PAPPA2: variants seen among roughly 807,000 people sequenced by gnomAD.
The protein encoded by PAPPA2 is pappalysin-2.
In PAPPA2, 86 loss-of-function variants were observed where a neutral mutation model predicts 176.4. The observed-to-expected ratio is 0.49, with a 90% confidence interval of 0.41 to 0.58. PAPPA2 has a LOEUF of 0.58. PAPPA2 is among the 20% of genes least tolerant of loss of function. The probability of loss-of-function intolerance (pLI) is 0.00; values close to 1 mark genes in which losing one functional copy is unlikely to be tolerated. For missense variants in PAPPA2, 2,073 were observed against 2,256.9 expected (o/e 0.92, Z 1.65); for synonymous variants, 809 against 852.2 (o/e 0.95, Z 0.88).
At chr1:176,760,760 G>A (rs1024256226) in intron 14 of PAPPA2, among the ~76,000 whole-genome samples, 2 of 152,136 alleles carry the variant, frequency 1.3e-5, no homozygotes, top group Non-Finnish European at 2.9e-5. Context: ...ATAGCCAAGG[G>A]TTAACATACA....
At chr1:176,495,126 G>T (rs1647525244) in intron 1 of PAPPA2, among the ~76,000 whole-genome samples, 1 of 152,200 alleles carries the variant, frequency 6.6e-6, no homozygotes, top group South Asian at 2.1e-4. Context: ...TGTAAGGCAA[G>T]AGATGATGAT....
intron 1 of PAPPA2, among the ~76,000 whole-genome samples, chr1:176,504,379 A>G (rs781304660): frequency 6.6e-6 from 1 of 152,146 alleles, no homozygotes; most frequent in Non-Finnish European, 1.5e-5. Flanking sequence ...ATACATGCAG[A>G]TATATAAATA....
chr1:176,823,792 A>G (rs1378558658), intron 21 of PAPPA2, among the ~76,000 whole-genome samples: 1 of 152,186 alleles, frequency 6.6e-6, no homozygotes, highest in Non-Finnish European at 1.5e-5. Context: ...TAAGTGAGGC[A>G]GAACAATCTG....
intron 1 of PAPPA2, among the ~76,000 whole-genome samples, chr1:176,529,582 G>A (rs1649691631): frequency 6.6e-6 from 1 of 152,170 alleles, no homozygotes; most frequent in African/African-American, 2.4e-5. Context: ...GCTCAAGAGA[G>A]CTACTGCACA....
chr1:176,662,916 A>T (rs997084866), intron 3 of PAPPA2, among the ~76,000 whole-genome samples: 5 of 152,188 alleles, frequency 3.3e-5, no homozygotes, highest in African/African-American at 4.8e-5. Flanking sequence ...AAATTTATTC[A>T]CTCAATGTCA....
chr1:176,830,901 G>T (rs1034071673), intron 21 of PAPPA2, among the ~76,000 whole-genome samples: 4 of 152,198 alleles, frequency 2.6e-5, no homozygotes, highest in Non-Finnish European at 2.9e-5. Context: ...AAGAAGCATT[G>T]CTGTGTACTT....
chr1:176,821,709 T>C (rs868348730), intron 21 of PAPPA2, among the ~76,000 whole-genome samples: 2 of 152,176 alleles, frequency 1.3e-5, no homozygotes, highest in African/African-American at 4.8e-5. Context: ...TTGTCAAGTG[T>C]AGCATGTGTC....
At chr1:176,641,210 C>G (rs1331101455) in intron 3 of PAPPA2, among the ~76,000 whole-genome samples, 1 of 152,024 alleles carries the variant, frequency 6.6e-6, no homozygotes, top group African/African-American at 2.4e-5. Context: ...TCCCATTTGT[C>G]AATTTTGGCT....
chr1:176,529,820 G>C (rs1485411541), intron 1 of PAPPA2, among the ~76,000 whole-genome samples: 4 of 151,824 alleles, frequency 2.6e-5, no homozygotes, highest in African/African-American at 9.7e-5. Context: ...TTATCAGCAA[G>C]TTTGCATGCG....
intron 2 of PAPPA2, among the ~76,000 whole-genome samples, chr1:176,583,693 C>T (rs1653121496): frequency 6.6e-6 from 1 of 152,150 alleles, no homozygotes. Context: ...CCTGTCTTGT[C>T]CTACCAAAAT....
intron 3 of PAPPA2, among the ~76,000 whole-genome samples, chr1:176,659,323 G>A (rs10913235): frequency 1.3e-5 from 2 of 151,820 alleles, no homozygotes; most frequent in East Asian, 1.9e-4. Flanking sequence ...CCCAGGCTCC[G>A]CTCCTAGCTT....
chr1:176,506,986 A>C (rs981840572), intron 1 of PAPPA2, among the ~76,000 whole-genome samples: 4 of 152,126 alleles, frequency 2.6e-5, no homozygotes, highest in Non-Finnish European at 5.9e-5. Flanking sequence ...GAAACTATCA[A>C]TAGAATAAAC....
At chr1:176,746,034 T>C (rs1361012478) in intron 14 of PAPPA2, among the ~76,000 whole-genome samples, 1 of 152,168 alleles carries the variant, frequency 6.6e-6, no homozygotes, top group Admixed American at 6.5e-5. Flanking sequence ...TGATAAGACT[T>C]GCTGGGACAT....
chr1:176,632,229 ATGTGTGTG>A (rs56939950), intron 3 of PAPPA2, among the ~76,000 whole-genome samples: 15 of 145,428 alleles, frequency 1.0e-4, no homozygotes, highest in African/African-American at 2.0e-4. Flanking sequence ...ATTAGTAGTG[ATGTGTGTG>A]TGTGTGTGTG....
chr1:176,667,267 A>G (rs933565542), intron 3 of PAPPA2, among the ~76,000 whole-genome samples: 1 of 152,062 alleles, frequency 6.6e-6, no homozygotes, highest in Non-Finnish European at 1.5e-5. Flanking sequence ...AGAAAAAAAA[A>G]GAATAAGACT....
intron 12 of PAPPA2, among the ~76,000 whole-genome samples, chr1:176,730,856 G>A (rs968932026): frequency 6.6e-6 from 1 of 151,808 alleles, no homozygotes; most frequent in East Asian, 1.9e-4. Flanking sequence ...TAAAACCTTG[G>A]ATTTTTAATA....
At chr1:176,636,850 T>G (rs1656726054) in intron 3 of PAPPA2, among the ~76,000 whole-genome samples, 1 of 152,060 alleles carries the variant, frequency 6.6e-6, no homozygotes, top group South Asian at 2.1e-4. Flanking sequence ...TGTTCTTCAT[T>G]AGAGATAAAA....
chr1:176,539,759 C>A (rs1650273067), intron 1 of PAPPA2, among the ~76,000 whole-genome samples: 1 of 152,214 alleles, frequency 6.6e-6, no homozygotes, highest in Non-Finnish European at 1.5e-5. Context: ...ACCTGATCTT[C>A]TGCCCTTTTC....
intron 12 of PAPPA2, among the ~76,000 whole-genome samples, chr1:176,734,175 T>G (rs1373795342): frequency 6.6e-6 from 1 of 152,158 alleles, no homozygotes; most frequent in Non-Finnish European, 1.5e-5. Context: ...TATAAGCTCT[T>G]CTAACACAGA....
Sources: allele counts gnomAD v4.1 joint callset (sites outside exome capture counted in the v4.1 genomes callset), GRCh38; gene constraint gnomAD v4.1.1; transcripts MANE v1.5; gene names NCBI Gene and HGNC (gene_info 2026-07-23, HGNC 2026-07-21).